Variants in MS4A18 observed in about 807,000 individuals in gnomAD.
MS4A18 encodes the protein membrane-spanning 4-domains subfamily A member 18.
Under a neutral mutation model 13.1 loss-of-function variants are expected in MS4A18, and 27 were observed. The observed-to-expected ratio is 2.06, with a 90% CI of 1.52 to 2.84. The LOEUF is 2.84. Ranked by LOEUF, MS4A18 falls within the 30% of genes most tolerant of loss-of-function variation. MS4A18 has a pLI of 0.00. For synonymous variants in MS4A18, 126 were observed against 76.5 expected (o/e 1.65, Z -3.38); for missense variants, 307 against 196.4 (o/e 1.56, Z -3.37).
chr11:60,731,258 G>T lies in MS4A18; in HGVS notation c.477+1466G>T, dbSNP rs188796067. Among the ~76,000 whole-genome samples the T allele has an allele frequency of 6.4e-3, 970 of 152,204 alleles. 8 individuals are homozygous for T. The highest frequency in any genetic ancestry group is 0.01 in the Middle Eastern group (3 of 294). On this transcript the variant is annotated intron_variant, in intron 1 of 5. Coordinates refer to ENST00000529108, the Ensembl canonical transcript of MS4A18. ...TTATTATTAATTAATACTGGGTAAAGGTTTGTTAACTTTGGCTAGCAATTA... is the reference window on the plus strand; with the variant it reads ...TTATTATTAATTAATACTGGGTAAATGTTTGTTAACTTTGGCTAGCAATTA...
chr11:60,729,208 T>A, upstream of MS4A18: 4 of 621,420 alleles, frequency 6.4e-6, no homozygotes. Flanking sequence ...AGGTGATTCT[T>A]ATTTTAATGA....
chr11:60,729,717 C>G (rs1227144336), exon 1 of MS4A18: 1 of 702,774 alleles, frequency 1.4e-6, no homozygotes, highest in Non-Finnish European at 2.6e-6. Context: ...CCCAGTGGAA[C>G]ACGTCATTTG....
At chr11:60,731,897 A>C in intron 1 of MS4A18, among the ~76,000 whole-genome samples, 1 of 152,194 alleles carries the variant, frequency 6.6e-6, no homozygotes, top group East Asian at 1.9e-4. Context: ...AAATTAAATG[A>C]GTGCTGGCAG....
chr11:60,742,306 T>C (rs560863742), intron 5 of MS4A18, among the ~76,000 whole-genome samples: 5 of 152,226 alleles, frequency 3.3e-5, no homozygotes, highest in Non-Finnish European at 7.3e-5. Flanking sequence ...GCTTCCCATA[T>C]TAAGAGTGAG....
downstream of MS4A18, chr11:60,744,289 G>C (rs1853455195): frequency 2.9e-6 from 1 of 345,032 alleles, no homozygotes; most frequent in Admixed American, 4.6e-5. Flanking sequence ...GCTCACTGTT[G>C]AAAAACCGGT....
chr11:60,728,803 C>T (rs779397080), upstream of MS4A18, among the ~76,000 whole-genome samples: 61 of 152,034 alleles, frequency 4.0e-4, no homozygotes, highest in Admixed American at 8.5e-4. Flanking sequence ...AACTGGTGTT[C>T]TCTGCTCCCC....
chr11:60,725,342 C>T (rs1021999526), upstream of MS4A18, among the ~76,000 whole-genome samples: 4 of 152,140 alleles, frequency 2.6e-5, no homozygotes, highest in African/African-American at 2.4e-5. Context: ...TACAGGCGCC[C>T]GCCACCACGC....
In MS4A18 at chr11:60,743,785, A is replaced by G. The variant is rs12274574; in HGVS notation, c.994A>G (p.Ile332Val). The change falls in exon 6 of 6, where the codon ATT becomes GTT. Residue 332 changes from isoleucine to valine, a missense_variant. Coordinates refer to ENST00000529108, the Ensembl canonical transcript of MS4A18. ...CACCAATGGTCCTGTCAATACTACC[A>G]TTCACCCTGTCAACACCACCACCAG... The G allele has an allele frequency of 1.5e-3, 1,084 of 702,344 alleles. 5 individuals are homozygous for G. The highest frequency in any genetic ancestry group is 0.014 in the African/African-American group (783 of 57,084). The allele number at this position is 702,344 out of a possible 1,614,324, so 43.5% of individuals were successfully genotyped here. A position where few individuals can be genotyped will look rare whatever the true frequency, so the allele number is the denominator to read the frequency against.
chr11:60,744,371 C>T (rs1853456744), downstream of MS4A18, among the ~76,000 whole-genome samples: 1 of 152,174 alleles, frequency 6.6e-6, no homozygotes, highest in Admixed American at 6.5e-5. Context: ...CTAACTCTGA[C>T]ACGGTTCTCC....
upstream of MS4A18, chr11:60,729,274 G>A (rs1016275600): frequency 1.5e-6 from 1 of 679,302 alleles, no homozygotes; most frequent in East Asian, 2.7e-5. Context: ...TGTCAGAAGA[G>A]GGAAATGCAC....
chr11:60,742,726 T>C (rs1853428676), intron 5 of MS4A18, among the ~76,000 whole-genome samples: 1 of 152,240 alleles, frequency 6.6e-6, no homozygotes, highest in African/African-American at 2.4e-5. Context: ...AATCTTGTTT[T>C]CTAACTCATT....
Position 60,739,553 on chromosome 11 carries a change from G to A in MS4A18, c.744+556G>A, listed in dbSNP as rs1853386697. On this transcript the variant is annotated intron_variant, in intron 4 of 5. Transcript: ENST00000529108. ...TATTATCCGGCAAGGACCCCTGGAG[G>A]TGGACCTGCCGGGGCCCTGGTAGCC... Among the ~76,000 whole-genome samples the A allele has an allele frequency of 2.0e-5, 3 of 152,162 alleles. No homozygotes were observed. The South Asian group carries it at 6.2e-4, about 32-fold the overall frequency.
chr11:60,726,572 A>G (rs1853164468), upstream of MS4A18, among the ~76,000 whole-genome samples: 4 of 152,046 alleles, frequency 2.6e-5, no homozygotes, highest in Admixed American at 2.0e-4. Context: ...TGACTTTCCG[A>G]CAAGTTCCCG....
chr11:60,733,450 G>A, intron 1 of MS4A18, 84 bp from the exon 3 acceptor site: 1 of 696,776 alleles, frequency 1.4e-6, no homozygotes. Context: ...GGTGATTCTG[G>A]GGCACAGCCA....
At chr11:60,728,419 T>G (rs1187834127), upstream of MS4A18, among the ~76,000 whole-genome samples, 1 of 151,816 alleles carries the variant, frequency 6.6e-6, no homozygotes, top group South Asian at 2.1e-4. Context: ...TGTGTGTGTG[T>G]GTGTGTGTGT....
intron 2 of MS4A18, among the ~76,000 whole-genome samples, chr11:60,735,296 G>GC (rs1160731949): frequency 1.3e-5 from 2 of 151,366 alleles, no homozygotes; most frequent in Non-Finnish European, 1.5e-5. Context: ...TCCCCTCTAT[G>GC]CCCCGAGAGG....
At chr11:60,740,036 G>A (rs1590965326) in intron 4 of MS4A18, among the ~76,000 whole-genome samples, 1 of 152,308 alleles carries the variant, frequency 6.6e-6, no homozygotes, top group Non-Finnish European at 1.5e-5. Context: ...TGGTATCTAG[G>A]GGATGTGGCA....
chr11:60,729,449 T>C (rs1853216827), exon 1 of MS4A18: 1 of 702,728 alleles, frequency 1.4e-6, no homozygotes, highest in Non-Finnish European at 2.6e-6. Context: ...ACTTACCCAA[T>C]CTCACCAAAA....
At position 60,729,550 on chromosome 11, in the gene MS4A18, G is replaced by A. The variant is rs899246254; in HGVS notation, c.235G>A (p.Gly79Arg). 6.7e-5 allele frequency: 47 copies of A among 702,766 alleles called. No individual in the cohort carries two copies. In the East Asian group the frequency reaches 1.2e-3, roughly 18 times the overall value. 43.5% of individuals were successfully genotyped at this position (702,766 alleles called of 1,614,324 possible). The change falls in exon 1 of 6, where the codon GGG (glycine) becomes AGG (arginine). Residue 79 changes from glycine (G) to arginine (R), a missense_variant. By Grantham distance (125) the Gly-to-Arg change is moderately radical. Coordinates refer to ENST00000529108, the Ensembl canonical transcript of MS4A18. Reference sequence around the variant, plus strand: ...AGCAGGTGTACAGAGTCAACCCATTGGGTATCAGCGACAGTATCCAGTGGG... The same window carrying A: ...AGCAGGTGTACAGAGTCAACCCATTAGGTATCAGCGACAGTATCCAGTGGG...
Sources: gnomAD v4.1 joint callset for allele counts (sites outside exome capture counted in the v4.1 genomes callset) on GRCh38, gnomAD v4.1.1 for gene constraint, MANE v1.5 for transcripts, NCBI Gene and HGNC (gene_info 2026-07-23, HGNC 2026-07-21) for gene names.